The following SPATA6 variants were observed in gnomAD, a reference collection of about 807,000 sequenced individuals.
The protein encoded by SPATA6 is spermatogenesis associated 6, also known as spermatogenesis-associated protein 6.
A neutral mutation model predicts 65.3 loss-of-function variants in SPATA6; 56 were observed. The observed-to-expected ratio is 0.86, with a 90% CI of 0.69 to 1.07. The LOEUF is 1.07. SPATA6 is among the 50% of genes least tolerant of loss of function. SPATA6 has a pLI of 0.00. For synonymous variants in SPATA6, 199 were observed against 213.2 expected, an observed-to-expected ratio of 0.93 and a Z score of 0.58; for missense variants, 590 against 594.8, an observed-to-expected ratio of 0.99 and a Z score of 0.08.
chr1:48,403,697 A>C lies in SPATA6; in HGVS notation c.486+105T>G, dbSNP rs532498926. 58 of 862,792 alleles carry C rather than the reference A, an allele frequency of 6.7e-5. No individual in the cohort carries two copies. The Middle Eastern group carries it at 2.5e-3, about 37-fold the overall frequency. 53.4% of individuals were successfully genotyped at this position (862,792 alleles called of 1,614,324 possible). ...CACTTCAACTAAAAATTGACCCCCC[A>C]AAAAGTGAAAAGAGCTGCAGCCAAA... On this transcript the variant is annotated intron_variant, in intron 6 of 12. Coordinates refer to ENST00000371847, the MANE Select transcript of SPATA6 (RefSeq NM_019073.4).
chr1:48,369,767 T>C (rs1006854870), intron 9 of SPATA6, among the ~76,000 whole-genome samples: 2 of 152,314 alleles, frequency 1.3e-5, no homozygotes, highest in Non-Finnish European at 2.9e-5. Context: ...GGCTTGCGCA[T>C]GGTGCACTGC....
At chr1:48,456,882 A>G (rs1479480341) in intron 1 of SPATA6, among the ~76,000 whole-genome samples, 1 of 152,196 alleles carries the variant, frequency 6.6e-6, no homozygotes, top group Non-Finnish European at 1.5e-5. Flanking sequence ...GGATACCACC[A>G]AGCACAGTAA....
intron 10 of SPATA6, among the ~76,000 whole-genome samples, chr1:48,358,587 C>T (rs963965660): frequency 7.2e-5 from 11 of 151,954 alleles, no homozygotes; most frequent in Admixed American, 6.6e-5. Flanking sequence ...ATGAGGAAAT[C>T]GAGGAAAGTC....
At chr1:48,336,544 C>T (rs971394984) in intron 11 of SPATA6, among the ~76,000 whole-genome samples, 1 of 151,882 alleles carries the variant, frequency 6.6e-6, no homozygotes, top group Non-Finnish European at 1.5e-5. Flanking sequence ...AAACCAAATA[C>T]CACATGTTCT....
intron 9 of SPATA6, 56 bp downstream of exon 9, chr1:48,385,253 T>C: frequency 6.8e-7 from 1 of 1,468,480 alleles, no homozygotes; most frequent in Non-Finnish European, 9.3e-7. Flanking sequence ...TGAAATAGAC[T>C]CATGTTGTTG....
intron 3 of SPATA6, among the ~76,000 whole-genome samples, chr1:48,444,307 C>G (rs549478496): frequency 6.6e-6 from 1 of 151,744 alleles, no homozygotes; most frequent in African/African-American, 2.4e-5. Flanking sequence ...TGTGAATGCA[C>G]CAATCAGCAC....
chr1:48,410,272 T>C (rs1170125425), intron 5 of SPATA6, among the ~76,000 whole-genome samples: 1 of 152,070 alleles, frequency 6.6e-6, no homozygotes, highest in Non-Finnish European at 1.5e-5. Context: ...ATAGCAAGAG[T>C]CACCCTTATT....
chr1:48,283,697 A>AAAAAGAAAGAAAGAAAG, the SPATA6 span, among the ~76,000 whole-genome samples: 4 of 12,010 alleles, frequency 3.3e-4, no homozygotes, highest in Non-Finnish European at 7.0e-4. Context: ...AAAAAAAAAA[A>AAAAAGAAAGAAAGAAAG]AAAGAAAGAA....
chr1:48,328,036 T>C (rs1374833867), intron 11 of SPATA6, among the ~76,000 whole-genome samples: 1 of 152,082 alleles, frequency 6.6e-6, no homozygotes, highest in Non-Finnish European at 1.5e-5. Context: ...CAGAAAATAA[T>C]TTGAATATAT....
chr1:48,261,558 T>A, the SPATA6 span, among the ~76,000 whole-genome samples: 1 of 152,224 alleles, frequency 6.6e-6, no homozygotes, highest in East Asian at 1.9e-4. Context: ...TTTAAGTTAG[T>A]TCATCTCTCG....
rs557631138 is a variant in SPATA6 at position 48,308,026 on chromosome 1, T to G, written c.1195-2148A>C. Reference sequence around the variant, plus strand: ...ACAGAATATAGTATAATCACGATTTTTATCCAGTCTCCAAAATTCTACCTC... The same window carrying G: ...ACAGAATATAGTATAATCACGATTTGTATCCAGTCTCCAAAATTCTACCTC... On this transcript the variant is annotated intron_variant, in intron 11 of 12. Transcript: ENST00000371847. Among the ~76,000 whole-genome samples the G allele has an allele frequency of 1.7e-3, 257 of 152,088 alleles. 2 individuals carry two copies. The highest frequency in any genetic ancestry group is 6.0e-3 in the African/African-American group (250 of 41,560).
chr1:48,402,417 A>G (rs1206538358), intron 6 of SPATA6, among the ~76,000 whole-genome samples: 1 of 152,198 alleles, frequency 6.6e-6, no homozygotes, highest in African/African-American at 2.4e-5. Context: ...GAGTCCAGGC[A>G]AAGCATATCT....
At chr1:48,395,036 ATTCT>A (rs1181413720) in intron 8 of SPATA6, among the ~76,000 whole-genome samples, 2 of 151,994 alleles carry the variant, frequency 1.3e-5, no homozygotes, top group Non-Finnish European at 2.9e-5. Flanking sequence ...TAATATATAT[ATTCT>A]AAGTCTCAAG....
intron 8 of SPATA6, among the ~76,000 whole-genome samples, chr1:48,390,154 A>C (rs1367191361): frequency 2.0e-5 from 3 of 152,182 alleles, no homozygotes; most frequent in African/African-American, 7.2e-5. Context: ...CAAAACATGG[A>C]ATCAACCTAA....
chr1:48,319,820 G>A (rs562489580), intron 11 of SPATA6, among the ~76,000 whole-genome samples: 1 of 152,254 alleles, frequency 6.6e-6, no homozygotes, highest in Non-Finnish European at 1.5e-5. Context: ...TGATCCCTGA[G>A]CATCCCGGTG....
chr1:48,433,081 T>G (rs1053366978), intron 3 of SPATA6, among the ~76,000 whole-genome samples: 6 of 152,136 alleles, frequency 3.9e-5, no homozygotes, highest in African/African-American at 1.4e-4. Context: ...CTCAGAGTAC[T>G]CAAAATCATA....
At chr1:48,287,405 ATTATG>A in the SPATA6 span, among the ~76,000 whole-genome samples, 2 of 152,154 alleles carry the variant, frequency 1.3e-5, no homozygotes, top group African/African-American at 2.4e-5. Context: ...TCCAAACTAT[ATTATG>A]TTTTCATGTT....
intron 3 of SPATA6, among the ~76,000 whole-genome samples, chr1:48,449,557 TG>T (rs1656367204): frequency 6.6e-6 from 1 of 152,152 alleles, no homozygotes. Context: ...ACATGCTAAA[TG>T]AGCTAGTTTT....
At chr1:48,369,987 G>C (rs892319895) in intron 9 of SPATA6, among the ~76,000 whole-genome samples, 1 of 152,194 alleles carries the variant, frequency 6.6e-6, no homozygotes, top group African/African-American at 2.4e-5. Flanking sequence ...TCAAATCTAT[G>C]ATATGCAGAG....
Sources: gnomAD v4.1 joint callset for allele counts (sites outside exome capture counted in the v4.1 genomes callset) on GRCh38, gnomAD v4.1.1 for gene constraint, MANE v1.5 for transcripts, NCBI Gene and HGNC (gene_info 2026-07-23, HGNC 2026-07-21) for gene names.